The following MUC7 variants were observed in gnomAD, a reference collection of about 807,000 sequenced individuals.
MUC7 encodes mucin-7.
Under a neutral mutation model 2.5 loss-of-function variants are expected in MUC7, and 2 were observed. That is an observed-to-expected ratio of 0.81 (90% CI 0.33 to 2.55). The LOEUF (loss-of-function observed/expected upper bound fraction) is 2.55, where lower values mean the gene tolerates loss of function less well. Among genes scored for constraint, MUC7 ranks in the 30% most tolerant of loss-of-function variants. The pLI, the probability that MUC7 is intolerant of heterozygous loss-of-function variation, is 0.11. For missense variants in MUC7, 408 were observed against 455.6 expected, an observed-to-expected ratio of 0.90 and a Z score of 0.95; for synonymous variants, 133 against 173.4, an observed-to-expected ratio of 0.77 and a Z score of 1.83.
At chr4:70,439,602 A>G (rs1023226937) in intron 1 of MUC7, among the ~76,000 whole-genome samples, 1 of 152,044 alleles carries the variant, frequency 6.6e-6, no homozygotes, top group Non-Finnish European at 1.5e-5. Flanking sequence ...TAATAATATA[A>G]TATTTATCTT....
In MUC7 at chr4:70,481,974, T is replaced by C; in HGVS notation, c.*96T>C. 1 of 1,371,020 alleles carries C rather than the reference T, an allele frequency of 7.3e-7. No individual in the cohort carries two copies. Among genetic ancestry groups the C allele is most frequent in the Non-Finnish European group, 9.9e-7 (1 of 1,008,088 alleles). The allele number at this position is 1,371,020 out of a possible 1,614,324, so 84.9% of individuals were successfully genotyped here. On this transcript the variant is annotated 3_prime_UTR_variant, in exon 3 of 3. Transcript: ENST00000304887. ...TTTTAGCACCAATCCCAACATGAAA[T>C]TATATTACTCAGATTTAAAGCACTA...
chr4:70,433,111 C>T (rs542687352), intron 1 of MUC7, among the ~76,000 whole-genome samples: 43 of 152,230 alleles, frequency 2.8e-4, no homozygotes, highest in Non-Finnish European at 4.3e-4. Flanking sequence ...GTACCAGTAC[C>T]ATGCTGTTTT....
chr4:70,481,239 C>T lies in MUC7; in HGVS notation c.495C>T (p.Thr165=), dbSNP rs771855999. The T allele has an allele frequency of 1.2e-6, 2 of 1,613,970 alleles. No individual in the cohort carries two copies. Among genetic ancestry groups the T allele is most frequent in the Non-Finnish European group, 1.7e-6 (2 of 1,179,848 alleles). ...APVNSPAPQD[T]TAAPPTPSAT... Reference sequence around the variant, plus strand: ...TGAATTCCCCAGCTCCACAAGACACCACAGCTGCCCCACCCACACCTTCTG... The same window carrying T: ...TGAATTCCCCAGCTCCACAAGACACTACAGCTGCCCCACCCACACCTTCTG... The change falls in exon 3 of 3, where the codon ACC becomes ACT. Residue 165 remains threonine, a synonymous_variant. Coordinates refer to ENST00000304887, the MANE Select transcript of MUC7 (RefSeq NM_152291.3).
intron 1 of MUC7, among the ~76,000 whole-genome samples, chr4:70,448,031 A>G (rs1734188527): frequency 6.6e-6 from 1 of 152,142 alleles, no homozygotes; most frequent in Non-Finnish European, 1.5e-5. Context: ...ATAGGTGGGA[A>G]CTTGCCAACT....
intron 1 of MUC7, among the ~76,000 whole-genome samples, chr4:70,435,866 T>G (rs1426539638): frequency 6.6e-6 from 1 of 152,210 alleles, no homozygotes. Context: ...TGTTTAGTGC[T>G]TCCTTCAGGA....
chr4:70,449,497 G>A (rs1734226345), intron 1 of MUC7, among the ~76,000 whole-genome samples: 1 of 152,118 alleles, frequency 6.6e-6, no homozygotes, highest in Admixed American at 6.5e-5. Flanking sequence ...CACAATATAT[G>A]GGAATTATGG....
chr4:70,457,377 A>T lies in MUC7; in HGVS notation c.-92-14838A>T, dbSNP rs1015354514. 2.0e-5 allele frequency among the ~76,000 whole-genome samples: 3 copies of T among 152,080 alleles called. No individual in the cohort carries two copies. In the South Asian group the frequency reaches 6.2e-4, roughly 32 times the overall value. On this transcript the variant is annotated intron_variant, in intron 1 of 3. Coordinates refer to the MUC7 transcript ENST00000413702. ...GAGAATCGCTTGAGGCCAGGAGGTTAAGGTTGCAGTAAGCTGATTATGCCA... is the reference window on the plus strand; with the variant it reads ...GAGAATCGCTTGAGGCCAGGAGGTTTAGGTTGCAGTAAGCTGATTATGCCA...
At chr4:70,469,354 C>T (rs189720384), upstream of MUC7, among the ~76,000 whole-genome samples, 23 of 152,280 alleles carry the variant, frequency 1.5e-4, 1 homozygote, top group East Asian at 2.5e-3. Context: ...TGGGCAATGG[C>T]TTCATGACTA....
At chr4:70,473,464 A>C (rs6826182) in intron 1 of MUC7, among the ~76,000 whole-genome samples, 2,012 of 151,874 alleles carry the variant, frequency 0.013, 47 homozygotes, top group African/African-American at 0.046. Context: ...AAAAGGTACA[A>C]GAAAAAGGAT....
At chr4:70,437,768 C>T (rs548672212) in intron 1 of MUC7, among the ~76,000 whole-genome samples, 1 of 152,178 alleles carries the variant, frequency 6.6e-6, no homozygotes, top group Admixed American at 6.5e-5. Flanking sequence ...GACCAAGTAC[C>T]TCAGTTGGAA....
chr4:70,471,941 C>T (rs1021237046), upstream of MUC7: 5 of 152,094 alleles, frequency 3.3e-5, no homozygotes, highest in African/African-American at 9.7e-5. Context: ...TTTGTTTCTC[C>T]GTAAGCGCCT....
intron 2 of MUC7, among the ~76,000 whole-genome samples, chr4:70,476,339 A>G (rs1271867533): frequency 6.6e-6 from 1 of 152,200 alleles, no homozygotes; most frequent in Non-Finnish European, 1.5e-5. Flanking sequence ...AAGTCATGTT[A>G]TTGTGAAATG....
chr4:70,437,786 A>T (rs772946134), intron 1 of MUC7, among the ~76,000 whole-genome samples: 2 of 151,952 alleles, frequency 1.3e-5, no homozygotes, highest in Non-Finnish European at 2.9e-5. Context: ...GAAATGCAGA[A>T]ATCACCATCT....
At chr4:70,456,998 T>C (rs958012200) in intron 1 of MUC7, among the ~76,000 whole-genome samples, 63 of 151,836 alleles carry the variant, frequency 4.1e-4, no homozygotes, top group African/African-American at 1.3e-3. Context: ...AATCATGCTA[T>C]TTGGAGAAAT....
At chr4:70,469,980 T>C (rs961165611), upstream of MUC7, among the ~76,000 whole-genome samples, 1 of 152,214 alleles carries the variant, frequency 6.6e-6, no homozygotes, top group Non-Finnish European at 1.5e-5. Context: ...GCAGCACTAT[T>C]TACAATAGCA....
intron 1 of MUC7, among the ~76,000 whole-genome samples, chr4:70,438,824 T>C (rs544815530): frequency 1.3e-5 from 2 of 152,310 alleles, no homozygotes; most frequent in East Asian, 1.9e-4. Context: ...AGAATCTAAA[T>C]GTTTTTTCCA....
chr4:70,445,269 G>A lies in MUC7; in HGVS notation c.-93+14582G>A, dbSNP rs548540235. Reference sequence around the variant, plus strand: ...GCCCTCAGCCACATCTGCCTCCTCCGTACTTCATATTACCTTCCTTGAAAC... The same window carrying A: ...GCCCTCAGCCACATCTGCCTCCTCCATACTTCATATTACCTTCCTTGAAAC... On this transcript the variant is annotated intron_variant, in intron 1 of 3. Coordinates refer to the MUC7 transcript ENST00000413702. Among the ~76,000 whole-genome samples the A allele has an allele frequency of 5.3e-5, 8 of 152,084 alleles. No homozygotes were observed. In the South Asian group the frequency reaches 1.2e-3, roughly 24 times the overall value.
chr4:70,472,839 C>T (rs1316290837), intron 1 of MUC7, among the ~76,000 whole-genome samples: 1 of 152,126 alleles, frequency 6.6e-6, no homozygotes, highest in Non-Finnish European at 1.5e-5. Context: ...AATCTCACAG[C>T]CCACCACATT....
At chr4:70,461,331 T>A (rs1199794421) in intron 1 of MUC7, among the ~76,000 whole-genome samples, 1 of 152,216 alleles carries the variant, frequency 6.6e-6, no homozygotes, top group East Asian at 1.9e-4. Flanking sequence ...GACAAATAAC[T>A]CATGGTCCCA....
Sources: gnomAD v4.1 joint callset for allele counts (sites outside exome capture counted in the v4.1 genomes callset) on GRCh38, gnomAD v4.1.1 for gene constraint, MANE v1.5 for transcripts, NCBI Gene and HGNC (gene_info 2026-07-23, HGNC 2026-07-21) for gene names.